The following GRIA4 variants were observed in gnomAD, a reference collection of about 807,000 sequenced individuals.
The protein encoded by GRIA4 is glutamate receptor 4.
A neutral mutation model predicts 104.0 loss-of-function variants in GRIA4; 34 were observed. The ratio of observed to expected loss-of-function variants is 0.33; its 90% CI spans 0.25 to 0.44. The LOEUF is 0.44. Among genes scored for constraint, GRIA4 ranks in the 20% least tolerant of loss-of-function variants. The pLI is 1.00. For synonymous variants in GRIA4, 386 were observed against 381.9 expected (o/e 1.01, Z -0.13); for missense variants, 750 against 1,096.5 (o/e 0.68, Z 4.46).
chr11:105,974,488 A>G lies in GRIA4; in HGVS notation c.2544+44A>G, dbSNP rs760374983. 3 of 1,613,862 alleles carry G rather than the reference A, an allele frequency of 1.9e-6. No individual in the cohort carries two copies. In the Admixed American group the frequency reaches 5.0e-5, roughly 27 times the overall value. On this transcript the variant is annotated intron_variant, in intron 16 of 16. Coordinates refer to ENST00000282499, the MANE Select transcript of GRIA4 (RefSeq NM_000829.4). ...ACTTTTAACCCAACTTCCTCGCAGAATACCCAGAATTTAGCAACCTATAGA... is the reference window on the plus strand; with the variant it reads ...ACTTTTAACCCAACTTCCTCGCAGAGTACCCAGAATTTAGCAACCTATAGA...
intron 3 of GRIA4, among the ~76,000 whole-genome samples, chr11:105,666,905 C>T (rs1182024462): frequency 1.3e-5 from 2 of 151,608 alleles, no homozygotes; most frequent in African/African-American, 2.4e-5. Context: ...AAATTAACTA[C>T]CTTTTATCTC....
chr11:105,780,887 A>G (rs942867220), intron 4 of GRIA4, among the ~76,000 whole-genome samples: 19 of 152,274 alleles, frequency 1.2e-4, no homozygotes, highest in African/African-American at 4.6e-4. Flanking sequence ...GGTTTGATTA[A>G]AGTGACAAAA....
Position 105,905,816 on chromosome 11 carries a change from T to C in GRIA4, c.1158+515T>C, listed in dbSNP as rs79903656. 3.3e-3 allele frequency among the ~76,000 whole-genome samples: 497 copies of C among 152,234 alleles called. 4 individuals are homozygous for C. Among genetic ancestry groups the C allele is most frequent in the African/African-American group, 0.011 (472 of 41,510 alleles). On this transcript the variant is annotated intron_variant, in intron 9 of 16. Transcript: ENST00000282499. ...TATTAGGCTGAGAGGGAGAGAAACATCTAAGTTGTTCAGGAAGGTGCTGGT... is the reference window on the plus strand; with the variant it reads ...TATTAGGCTGAGAGGGAGAGAAACACCTAAGTTGTTCAGGAAGGTGCTGGT...
At chr11:105,969,120 G>A (rs1858548695) in intron 14 of GRIA4, among the ~76,000 whole-genome samples, 2 of 152,032 alleles carry the variant, frequency 1.3e-5, no homozygotes, top group African/African-American at 4.8e-5. Context: ...ATTATATTTG[G>A]TCGTGCACTT....
At chr11:105,894,583 T>C (rs986483488) in intron 6 of GRIA4, among the ~76,000 whole-genome samples, 2 of 152,046 alleles carry the variant, frequency 1.3e-5, no homozygotes, top group South Asian at 2.1e-4. Context: ...TTTTCGTAGA[T>C]AGCCAAACAG....
At chr11:105,948,127 A>G (rs1316888723) in intron 14 of GRIA4, among the ~76,000 whole-genome samples, 2 of 152,134 alleles carry the variant, frequency 1.3e-5, no homozygotes, top group African/African-American at 2.4e-5. Context: ...TGTAATCCCT[A>G]TTTCTATAAG....
chr11:105,831,350 G>T (rs894430374), intron 4 of GRIA4, among the ~76,000 whole-genome samples: 7 of 151,964 alleles, frequency 4.6e-5, no homozygotes, highest in African/African-American at 1.4e-4. Context: ...ATCTCTCTTA[G>T]CTCCATGTCA....
chr11:105,770,154 CT>C (rs1220908534), intron 4 of GRIA4, among the ~76,000 whole-genome samples: 1 of 152,060 alleles, frequency 6.6e-6, no homozygotes, highest in Non-Finnish European at 1.5e-5. Context: ...TATAGTCCCC[CT>C]AACATCGTGA....
intron 3 of GRIA4, among the ~76,000 whole-genome samples, chr11:105,682,638 C>A (rs1189298337): frequency 6.6e-6 from 1 of 152,152 alleles, no homozygotes; most frequent in African/African-American, 2.4e-5. Flanking sequence ...ACTCTCCAAC[C>A]CTGAGCACGA....
chr11:105,790,694 C>A (rs1012812380), intron 4 of GRIA4, among the ~76,000 whole-genome samples: 3 of 152,116 alleles, frequency 2.0e-5, no homozygotes, highest in Admixed American at 6.5e-5. Context: ...GAAGTCTTAG[C>A]ACAGGTTTGC....
At chr11:105,838,052 TTAAAA>T (rs532483763) in intron 4 of GRIA4, among the ~76,000 whole-genome samples, 128 of 152,072 alleles carry the variant, frequency 8.4e-4, no homozygotes, top group Non-Finnish European at 1.6e-3. Context: ...GTTTTGATCA[TTAAAA>T]TAAAACTGAT....
intron 4 of GRIA4, chr11:105,824,572 A>G (rs1943696384): frequency 6.6e-6 from 1 of 152,080 alleles, no homozygotes; most frequent in Admixed American, 6.6e-5. Context: ...CAACGTGATT[A>G]TATTTGTACC....
At chr11:105,674,387 G>T (rs1562222) in intron 3 of GRIA4, among the ~76,000 whole-genome samples, 148,027 of 151,510 alleles carry the variant, frequency 0.98, 72,386 homozygotes, top group Non-Finnish European at 1. Flanking sequence ...AGTTTAGACT[G>T]CTGTAACTTA....
At chr11:105,633,802 A>G (rs1250615393) in intron 3 of GRIA4, among the ~76,000 whole-genome samples, 1 of 152,166 alleles carries the variant, frequency 6.6e-6, no homozygotes, top group Non-Finnish European at 1.5e-5. Flanking sequence ...CCAGTTTACT[A>G]TTTACAAAAC....
At chr11:105,872,862 C>T (rs915485061) in intron 5 of GRIA4, among the ~76,000 whole-genome samples, 2 of 152,042 alleles carry the variant, frequency 1.3e-5, no homozygotes, top group African/African-American at 4.8e-5. Flanking sequence ...TATAAATGAA[C>T]TGTAAATTTT....
intron 4 of GRIA4, among the ~76,000 whole-genome samples, chr11:105,770,971 G>A (rs1941182989): frequency 2.0e-5 from 3 of 151,902 alleles, no homozygotes; most frequent in African/African-American, 7.2e-5. Flanking sequence ...TTCTTTCATA[G>A]TCGAAGATGT....
chr11:105,809,144 T>C (rs1367500793), intron 4 of GRIA4, among the ~76,000 whole-genome samples: 1 of 152,130 alleles, frequency 6.6e-6, no homozygotes, highest in Non-Finnish European at 1.5e-5. Context: ...TGCAATTTTA[T>C]GTAAATCTAA....
chr11:105,836,289 G>A (rs1944183365), intron 4 of GRIA4, among the ~76,000 whole-genome samples: 1 of 152,046 alleles, frequency 6.6e-6, no homozygotes, highest in Non-Finnish European at 1.5e-5. Context: ...TGCTCAGGGG[G>A]CAAAAGGAGG....
chr11:105,669,025 C>G (rs896642908), intron 3 of GRIA4, among the ~76,000 whole-genome samples: 1 of 151,886 alleles, frequency 6.6e-6, no homozygotes, highest in African/African-American at 2.4e-5. Context: ...TTGCGGCTTT[C>G]TTAGAGTGCA....
Sources: gnomAD v4.1 joint callset for allele counts (sites outside exome capture counted in the v4.1 genomes callset) on GRCh38, gnomAD v4.1.1 for gene constraint, MANE v1.5 for transcripts, NCBI Gene and HGNC (gene_info 2026-07-23, HGNC 2026-07-21) for gene names.